Variants in NDST3 observed in about 807,000 individuals in gnomAD.
NDST3 encodes the protein bifunctional heparan sulfate N-deacetylase/N-sulfotransferase 3.
A neutral mutation model predicts 96.1 loss-of-function variants in NDST3; 58 were observed. The observed-to-expected ratio is 0.60, with a 90% CI of 0.49 to 0.75. The LOEUF (loss-of-function observed/expected upper bound fraction) is 0.75, where lower values mean the gene tolerates loss of function less well. Ranked by LOEUF, NDST3 falls within the 30% of genes least tolerant of loss-of-function variation. The probability of loss-of-function intolerance (pLI) is 0.00; values close to 1 mark genes in which losing one functional copy is unlikely to be tolerated. For synonymous variants in NDST3, 333 were observed against 359.7 expected, an observed-to-expected ratio of 0.93 and a Z score of 0.84; for missense variants, 788 against 1,034.2, an observed-to-expected ratio of 0.76 and a Z score of 3.27.
chr4:118,217,333 C>G (rs1302350593), intron 6 of NDST3, among the ~76,000 whole-genome samples: 2 of 152,212 alleles, frequency 1.3e-5, no homozygotes, highest in East Asian at 3.9e-4. Context: ...TAGGTTGACA[C>G]ACTGAACTTT....
At chr4:118,254,498 A>C (rs1158771360) in intron 13 of NDST3, among the ~76,000 whole-genome samples, 2 of 152,142 alleles carry the variant, frequency 1.3e-5, no homozygotes, top group Admixed American at 6.5e-5. Context: ...TTCAGAATGG[A>C]GACATGGTGA....
intron 12 of NDST3, among the ~76,000 whole-genome samples, chr4:118,242,607 A>G (rs1473589378): frequency 2.0e-5 from 3 of 152,210 alleles, no homozygotes; most frequent in Non-Finnish European, 2.9e-5. Context: ...ATAAGCAGAG[A>G]GAGATGTACT....
chr4:118,239,301 A>C (rs2126005297), intron 10 of NDST3, among the ~76,000 whole-genome samples: 1 of 152,340 alleles, frequency 6.6e-6, no homozygotes, highest in Admixed American at 6.5e-5. Context: ...TTGTTGGAAA[A>C]GGTTTTGTGG....
At chr4:118,247,900 A>T (rs1741424112) in intron 12 of NDST3, among the ~76,000 whole-genome samples, 1 of 152,198 alleles carries the variant, frequency 6.6e-6, no homozygotes, top group Non-Finnish European at 1.5e-5. Flanking sequence ...TTGATTTTGA[A>T]ATTTACTGAA....
chr4:118,157,510 C>T (rs1028569088), intron 6 of NDST3, among the ~76,000 whole-genome samples: 12 of 151,524 alleles, frequency 7.9e-5, no homozygotes, highest in African/African-American at 2.9e-4. Flanking sequence ...ACTGCCTCCG[C>T]CTCCCAGGTA....
At position 118,242,086 on chromosome 4, in the gene NDST3, T is replaced by C. The variant is rs748262243; in HGVS notation, c.2336T>C (p.Val779Ala). 1 of 1,613,320 alleles carries C rather than the reference T, an allele frequency of 6.2e-7. No homozygotes were observed. Among genetic ancestry groups the C allele is most frequent in the Non-Finnish European group, 8.5e-7 (1 of 1,179,476 alleles). Residue 779 changes from valine to alanine, a missense_variant, in exon 12 of 14, where the codon GTG becomes GCG. By Grantham distance (64) the Val-to-Ala change is moderately conservative. This residue lies in a region of NDST3 where 490 missense variants were observed against 708.8 expected (regional missense o/e 0.69). Transcript: ENST00000296499. ...CAACTAAGAACTGATCCTGCTACAG[T>C]GATGGATGAAGTACAGAAGTTTCTA... ...GQQLRTDPAT[V>A]MDEVQKFLGV...
chr4:118,200,769 C>T (rs1560713893), intron 6 of NDST3, among the ~76,000 whole-genome samples: 1 of 151,948 alleles, frequency 6.6e-6, no homozygotes, highest in Non-Finnish European at 1.5e-5. Context: ...ATTTGGAAAG[C>T]TTCATTTTCT....
intron 2 of NDST3, among the ~76,000 whole-genome samples, chr4:118,087,627 C>A (rs1728535053): frequency 2.0e-5 from 3 of 152,120 alleles, no homozygotes; most frequent in Admixed American, 2.0e-4. Context: ...TAGAGCTTCT[C>A]CCATGTCCAT....
At chr4:118,075,665 T>G (rs1374168936) in intron 2 of NDST3, among the ~76,000 whole-genome samples, 6 of 152,252 alleles carry the variant, frequency 3.9e-5, no homozygotes, top group Admixed American at 3.9e-4. Flanking sequence ...TGAGCATTTT[T>G]TCATGTGTCT....
At position 118,086,382 on chromosome 4, in the gene NDST3, G is replaced by T. The variant is rs145927600; in HGVS notation, c.982-18636G>T. On this transcript the variant is annotated intron_variant, in intron 2 of 13. Coordinates refer to ENST00000296499, the MANE Select transcript of NDST3 (RefSeq NM_004784.3). ...ATTGATCTGATCCAGATCCTCTTGT[G>T]TGCATCACCCTAGAAACCTTCAATT... Among the ~76,000 whole-genome samples, 54 of 152,186 alleles carry T rather than the reference G, an allele frequency of 3.5e-4. 1 individual carries two copies. The highest frequency in any genetic ancestry group is 6.8e-3 in the Middle Eastern group (2 of 292).
chr4:118,129,774 A>T (rs1317128185), intron 4 of NDST3, among the ~76,000 whole-genome samples: 1 of 152,104 alleles, frequency 6.6e-6, no homozygotes, highest in African/African-American at 2.4e-5. Context: ...TCCAATGCTG[A>T]AAGTGGAGTG....
Position 118,237,052 on chromosome 4 carries a change from G to T in NDST3, c.1950G>T (p.Met650Ile). 6.3e-7 allele frequency: 1 copy of T among 1,596,844 alleles called. No individual in the cohort carries two copies. The highest frequency in any genetic ancestry group is 8.5e-7 in the Non-Finnish European group (1 of 1,171,056). ...NNYHRGIDWYMDFFPVPSNVT... is the reference protein window; with the variant it reads ...NNYHRGIDWYIDFFPVPSNVT... ...AAAAATATTCCTTTTCTAGGTATAT[G>T]GATTTCTTCCCAGTCCCATCTAATG... is the stretch of plus-strand genomic sequence containing the variant. Residue 650 changes from methionine to isoleucine, a missense_variant, in exon 10 of 14, where the codon ATG becomes ATT. Physicochemically the swap from Met to Ile is conservative, Grantham distance 10 (BLOSUM62 1). Around this residue, in one of 3 missense-constraint regions of NDST3, gnomAD observed 490 missense variants for 708.8 expected, o/e 0.69. Coordinates refer to ENST00000296499, the MANE Select transcript of NDST3 (RefSeq NM_004784.3).
chr4:118,212,384 A>G (rs1029872689), intron 6 of NDST3, among the ~76,000 whole-genome samples: 3 of 152,090 alleles, frequency 2.0e-5, no homozygotes, highest in African/African-American at 4.8e-5. Context: ...ACAAAAAAAT[A>G]CAATAATTAG....
In NDST3 at chr4:118,226,909, C is replaced by G; in HGVS notation, c.1746C>G (p.His582Gln). The change falls in exon 8 of 14, where the codon CAC (histidine) becomes CAG (glutamine). Residue 582 changes from histidine to glutamine, a missense_variant. Physicochemically the swap from His to Gln is conservative, Grantham distance 24. Coordinates refer to ENST00000296499, the MANE Select transcript of NDST3 (RefSeq NM_004784.3). ...AGAATCCTTGCGATGACAAACGCCACAGAGACATTTGGTCTAAAGAAAAAA... is the reference window on the plus strand; with the variant it reads ...AGAATCCTTGCGATGACAAACGCCAGAGAGACATTTGGTCTAAAGAAAAAA... The part of the protein sequence containing the change: ...LWQNPCDDKR[H>Q]RDIWSKEKTC... The G allele has an allele frequency of 1.2e-6, 2 of 1,613,360 alleles. No individual in the cohort carries two copies. The highest frequency in any genetic ancestry group is 1.7e-6 in the Non-Finnish European group (2 of 1,179,728).
intron 6 of NDST3, among the ~76,000 whole-genome samples, chr4:118,151,356 G>C (rs1295677345): frequency 6.6e-6 from 1 of 151,946 alleles, no homozygotes; most frequent in Admixed American, 6.6e-5. Context: ...CCTGCATATT[G>C]TGCACATGTA....
intron 6 of NDST3, among the ~76,000 whole-genome samples, chr4:118,197,622 T>C (rs1737781158): frequency 6.6e-6 from 1 of 151,896 alleles, no homozygotes; most frequent in Admixed American, 6.6e-5. Context: ...GATATGAATA[T>C]AGCTGCTTCT....
At chr4:118,241,629 C>T (rs1370379111) in intron 11 of NDST3, among the ~76,000 whole-genome samples, 4 of 152,188 alleles carry the variant, frequency 2.6e-5, no homozygotes, top group African/African-American at 7.2e-5. Context: ...TGAAAGGAAT[C>T]GTGAGGAATG....
At chr4:118,140,545 G>A (rs1412849132) in intron 5 of NDST3, among the ~76,000 whole-genome samples, 1 of 152,100 alleles carries the variant, frequency 6.6e-6, no homozygotes, top group Non-Finnish European at 1.5e-5. Context: ...GAAAGAACCA[G>A]TATATTAGTC....
In NDST3 at chr4:118,208,351, A is replaced by G. The variant is rs895752649; in HGVS notation, c.1540-16140A>G. Among the ~76,000 whole-genome samples, 7 of 143,548 alleles carry G rather than the reference A, an allele frequency of 4.9e-5. 1 individual carries two copies. Among genetic ancestry groups the G allele is most frequent in the Non-Finnish European group, 1.1e-4 (7 of 64,866 alleles). The allele number at this position is 143,548 out of a possible 152,430, so 94.2% of individuals were successfully genotyped here. ...TAGGTGTCCTCTAGTGCTGACTCATAAAGGTTTGAAATTTTTTATATTTCT... is the reference window on the plus strand; with the variant it reads ...TAGGTGTCCTCTAGTGCTGACTCATGAAGGTTTGAAATTTTTTATATTTCT... On this transcript the variant is annotated intron_variant, in intron 6 of 13. Transcript: ENST00000296499.
Sources: allele counts gnomAD v4.1 joint callset (sites outside exome capture counted in the v4.1 genomes callset), GRCh38; gene constraint gnomAD v4.1.1; regional missense constraint gnomAD v4.1.1; transcripts MANE v1.5; gene names NCBI Gene and HGNC (gene_info 2026-07-23, HGNC 2026-07-21).